FARS2: variants seen among roughly 807,000 people sequenced by gnomAD.
FARS2 encodes the protein phenylalanyl-tRNA synthetase 2, mitochondrial, also known as phenylalanine--tRNA ligase, mitochondrial.
A neutral mutation model predicts 46.4 loss-of-function variants in FARS2; 40 were observed. That is an observed-to-expected ratio of 0.86 (90% confidence interval 0.67 to 1.12). FARS2 has a LOEUF of 1.12. Ranked by LOEUF, FARS2 falls within the 50% of genes most tolerant of loss-of-function variation. The pLI, the probability that FARS2 is intolerant of heterozygous loss-of-function variation, is 0.00. For missense variants in FARS2, 513 were observed against 567.9 expected (o/e 0.90, Z 0.98); for synonymous variants, 234 against 214.9 (o/e 1.09, Z -0.78).
intron 6 of FARS2, among the ~76,000 whole-genome samples, chr6:5,674,193 T>A (rs1241487041): frequency 4.6e-4 from 35 of 76,346 alleles, no homozygotes; most frequent in African/African-American, 7.2e-4. Context: ...GCATTCTCAT[T>A]AAAAAAAAAA....
chr6:5,677,916 C>G (rs1275293566), intron 6 of FARS2, among the ~76,000 whole-genome samples: 2 of 152,154 alleles, frequency 1.3e-5, no homozygotes, highest in South Asian at 2.1e-4. Context: ...GTCAGGCAGT[C>G]TGTTAATGCA....
At chr6:5,567,786 A>G (rs1181542264) in intron 5 of FARS2, among the ~76,000 whole-genome samples, 2 of 152,250 alleles carry the variant, frequency 1.3e-5, no homozygotes, top group African/African-American at 2.4e-5. Flanking sequence ...GAGATCTGAA[A>G]TTTAGAGGCC....
At chr6:5,356,830 G>T (rs1295323761) in intron 1 of FARS2, among the ~76,000 whole-genome samples, 1 of 152,174 alleles carries the variant, frequency 6.6e-6, no homozygotes, top group Non-Finnish European at 1.5e-5. Flanking sequence ...AAGAAGAACG[G>T]ACGGCATATG....
At chr6:5,415,640 A>G (rs12208777) in intron 3 of FARS2, among the ~76,000 whole-genome samples, 36,301 of 151,980 alleles carry the variant, frequency 0.24, 4,572 homozygotes, top group Middle Eastern at 0.29. Context: ...CTTAGTTGAT[A>G]ATGATGCTGA....
At chr6:5,262,800 T>A (rs1765281590) in intron 1 of FARS2, among the ~76,000 whole-genome samples, 1 of 152,252 alleles carries the variant, frequency 6.6e-6, no homozygotes, top group African/African-American at 2.4e-5. Context: ...TATTATTATT[T>A]TTTAAACAGG....
intron 1 of FARS2, among the ~76,000 whole-genome samples, chr6:5,337,113 A>G (rs1431870726): frequency 1.3e-5 from 2 of 150,996 alleles, no homozygotes; most frequent in Non-Finnish European, 3.0e-5. Flanking sequence ...TTTTGTATGT[A>G]ATTTATTCCT....
chr6:5,650,581 C>G (rs1008823879), intron 6 of FARS2, among the ~76,000 whole-genome samples: 1 of 152,244 alleles, frequency 6.6e-6, no homozygotes, highest in South Asian at 2.1e-4. Flanking sequence ...CCTGGGTTCA[C>G]GCCATTCTCC....
At position 5,601,702 on chromosome 6, in the gene FARS2, A is replaced by G. The variant is rs1774530523; in HGVS notation, c.1066-11467A>G. 1.3e-5 allele frequency among the ~76,000 whole-genome samples: 2 copies of G among 152,262 alleles called. 1 individual carries two copies. The highest frequency in any genetic ancestry group is 4.1e-4 in the South Asian group (2 of 4,824). Reference sequence around the variant, plus strand: ...TAAGTCTCAGTGTCCTCGTGGACACATGGATTGGTAATGGTGGCTATCTCG... The same window carrying G: ...TAAGTCTCAGTGTCCTCGTGGACACGTGGATTGGTAATGGTGGCTATCTCG... On this transcript the variant is annotated intron_variant, in intron 5 of 6. Transcript: ENST00000274680.
chr6:5,401,860 G>C (rs1228519750), intron 2 of FARS2, among the ~76,000 whole-genome samples: 1 of 152,120 alleles, frequency 6.6e-6, no homozygotes, highest in East Asian at 1.9e-4. Flanking sequence ...TACATTAGTT[G>C]ATCTTTTTGC....
At chr6:5,284,002 T>G (rs17140085) in intron 1 of FARS2, among the ~76,000 whole-genome samples, 10,779 of 152,288 alleles carry the variant, frequency 0.071, 550 homozygotes, top group African/African-American at 0.15. Context: ...ATTGTCAAAT[T>G]ATCTTCTACA....
intron 3 of FARS2, among the ~76,000 whole-genome samples, chr6:5,410,685 G>A (rs771703360): frequency 3.9e-5 from 6 of 152,196 alleles, no homozygotes; most frequent in Non-Finnish European, 7.3e-5. Context: ...GAAACCCTGT[G>A]CTAAGCACGT....
rs549757387 is a variant in FARS2 at position 5,382,010 on chromosome 6, G to GAGA, written c.612+12828_612+12829insAGA. On this transcript the variant is annotated intron_variant, in intron 2 of 6. Transcript: ENST00000274680. ...GACAGATAGCCAAAGAGCAGACTCT[G>GAGA]GGACAGTGGGCAGCATGGGTCCTGC... Among the ~76,000 whole-genome samples the GAGA allele has an allele frequency of 4.7e-4, 72 of 152,328 alleles. 3 individuals carry two copies. In the East Asian group the frequency reaches 0.011, roughly 23 times the overall value.
chr6:5,450,036 T>A (rs1348574946), intron 4 of FARS2, among the ~76,000 whole-genome samples: 2 of 152,354 alleles, frequency 1.3e-5, no homozygotes, highest in East Asian at 3.9e-4. Flanking sequence ...TTTTGCATCC[T>A]GCAAATACTG....
At chr6:5,536,392 T>C (rs1270002230) in intron 4 of FARS2, among the ~76,000 whole-genome samples, 5 of 152,248 alleles carry the variant, frequency 3.3e-5, no homozygotes, top group Admixed American at 1.3e-4. Flanking sequence ...TTCATTCTCA[T>C]GTTATAAGTT....
intron 6 of FARS2, among the ~76,000 whole-genome samples, chr6:5,758,360 G>A (rs1235701859): frequency 6.6e-6 from 1 of 152,104 alleles, no homozygotes; most frequent in East Asian, 1.9e-4. Flanking sequence ...CGGGCCATTT[G>A]CAAAAATGAA....
At chr6:5,543,397 CTCTG>C (rs1770754989) in intron 4 of FARS2, among the ~76,000 whole-genome samples, 2 of 143,082 alleles carry the variant, frequency 1.4e-5, no homozygotes, top group Non-Finnish European at 3.0e-5. Flanking sequence ...TTTTTTCTCA[CTCTG>C]TGGACCAAGC....
intron 4 of FARS2, among the ~76,000 whole-genome samples, chr6:5,537,335 A>G (rs1280406541): frequency 6.6e-6 from 1 of 152,208 alleles, no homozygotes; most frequent in Non-Finnish European, 1.5e-5. Flanking sequence ...TTGAGCAATA[A>G]CATTTATTTT....
chr6:5,648,475 G>A (rs1777186243), intron 6 of FARS2, among the ~76,000 whole-genome samples: 1 of 152,164 alleles, frequency 6.6e-6, no homozygotes, highest in East Asian at 1.9e-4. Context: ...GACCCAAAGG[G>A]GGCCTCCCTC....
At chr6:5,504,060 T>C (rs979347645) in intron 4 of FARS2, among the ~76,000 whole-genome samples, 30 of 152,218 alleles carry the variant, frequency 2.0e-4, no homozygotes, top group Non-Finnish European at 5.9e-5. Flanking sequence ...CTAGAAGATA[T>C]TGCCGTATTT....
Sources: gnomAD v4.1 joint callset for allele counts (sites outside exome capture counted in the v4.1 genomes callset) on GRCh38, gnomAD v4.1.1 for gene constraint, MANE v1.5 for transcripts, NCBI Gene and HGNC (gene_info 2026-07-23, HGNC 2026-07-21) for gene names.